The following FGD3 variants were observed in gnomAD, a reference collection of about 807,000 sequenced individuals.
FGD3 encodes FYVE, RhoGEF and PH domain containing 3, also known as FYVE, RhoGEF and PH domain-containing protein 3.
A neutral mutation model predicts 71.8 loss-of-function variants in FGD3; 45 were observed. The observed-to-expected ratio is 0.63, with a 90% CI of 0.49 to 0.80. FGD3 has a LOEUF of 0.80. Ranked by LOEUF, FGD3 falls within the 30% of genes least tolerant of loss-of-function variation. The pLI is 0.00. For missense variants in FGD3, 844 were observed against 951.5 expected (o/e 0.89, Z 1.49); for synonymous variants, 378 against 392.8 (o/e 0.96, Z 0.44).
intron 5 of FGD3, 96 bp from the exon 6 acceptor site, chr9:93,005,928 C>T: frequency 7.0e-7 from 1 of 1,422,174 alleles, no homozygotes; most frequent in Non-Finnish European, 9.4e-7. Flanking sequence ...CAGAGCTGGC[C>T]TCCACCCCAC....
intron 6 of FGD3, among the ~76,000 whole-genome samples, chr9:93,006,643 C>T (rs777842774): frequency 6.6e-6 from 1 of 152,202 alleles, no homozygotes; most frequent in Non-Finnish European, 1.5e-5. Context: ...TCTTGATTCA[C>T]AAGGCTTTTA....
chr9:93,025,438 G>A (rs1862081565), intron 14 of FGD3, among the ~76,000 whole-genome samples: 2 of 152,244 alleles, frequency 1.3e-5, no homozygotes, highest in South Asian at 2.1e-4. Flanking sequence ...TAGGGTAGGA[G>A]CTGGGACAGC....
At chr9:92,950,556 G>C (rs974636337) in intron 1 of FGD3, among the ~76,000 whole-genome samples, 1 of 152,202 alleles carries the variant, frequency 6.6e-6, no homozygotes, top group African/African-American at 2.4e-5. Flanking sequence ...GGCAGTCCTT[G>C]CTCACAGAGG....
At chr9:92,966,258 T>C (rs1859321189) in intron 1 of FGD3, among the ~76,000 whole-genome samples, 2 of 152,060 alleles carry the variant, frequency 1.3e-5, no homozygotes, top group African/African-American at 2.4e-5. Context: ...GCAGGCCCTG[T>C]GTGAAATGGG....
intron 8 of FGD3, 142 bp from the exon 9 acceptor site, chr9:93,013,710 T>C (rs565981584): frequency 1.5e-4 from 145 of 988,818 alleles, no homozygotes; most frequent in Non-Finnish European, 2.0e-4. Context: ...CAAACATCAC[T>C]CTGTTTTCCC....
intron 1 of FGD3, among the ~76,000 whole-genome samples, chr9:92,961,463 A>G (rs1041760992): frequency 2.6e-5 from 4 of 152,182 alleles, no homozygotes; most frequent in Non-Finnish European, 5.9e-5. Context: ...CATGAGTGAA[A>G]TAATTGGTCA....
At chr9:93,022,475 G>T in intron 14 of FGD3, 86 bp downstream of exon 14, 1 of 1,461,684 alleles carries the variant, frequency 6.8e-7, no homozygotes, top group Non-Finnish European at 9.4e-7. Context: ...AGATGGAGAG[G>T]GAGGGTCAGA....
At chr9:92,972,452 C>CAA (rs34573109) in intron 1 of FGD3, among the ~76,000 whole-genome samples, 16 of 63,036 alleles carry the variant, frequency 2.5e-4, no homozygotes, top group African/African-American at 4.6e-4. Flanking sequence ...GACTCCATCT[C>CAA]AAAAAAAAAA....
At chr9:92,948,165 G>A (rs1297090820) in intron 1 of FGD3, among the ~76,000 whole-genome samples, 9 of 152,090 alleles carry the variant, frequency 5.9e-5, no homozygotes, top group Non-Finnish European at 2.9e-5. Flanking sequence ...TTGAAAAAAA[G>A]AACACATATC....
intron 14 of FGD3, among the ~76,000 whole-genome samples, chr9:93,028,995 GTT>G (rs869235976): frequency 4.6e-4 from 24 of 51,744 alleles, no homozygotes; most frequent in Admixed American, 9.5e-4. Flanking sequence ...TGTCCTCACA[GTT>G]TTTTTTTTTT....
chr9:93,032,929 C>T, intron 16 of FGD3, 56 bp downstream of exon 16: 2 of 1,485,634 alleles, frequency 1.3e-6, no homozygotes, highest in Non-Finnish European at 1.9e-6. Flanking sequence ...CCTCCAGACA[C>T]CTGCTCCTGT....
intron 7 of FGD3, 137 bp downstream of exon 7, chr9:93,010,521 G>C: frequency 1.1e-6 from 1 of 877,182 alleles, no homozygotes; most frequent in Non-Finnish European, 1.6e-6. Flanking sequence ...GAGGGAAAGA[G>C]ACAGAGACAG....
chr9:92,990,591 T>A (rs1010520914), intron 3 of FGD3, among the ~76,000 whole-genome samples: 3 of 152,230 alleles, frequency 2.0e-5, no homozygotes, highest in Non-Finnish European at 4.4e-5. Context: ...TGAGGTATAT[T>A]CCTTCTATAC....
At position 93,022,901 on chromosome 9, in the gene FGD3, G is replaced by T. The variant is rs554485918; in HGVS notation, c.1557+512G>T. Among the ~76,000 whole-genome samples, 14 of 152,256 alleles carry T rather than the reference G, an allele frequency of 9.2e-5. 1 individual carries two copies. Among genetic ancestry groups the T allele is most frequent in the Admixed American group, 6.5e-4 (10 of 15,308 alleles). On this transcript the variant is annotated intron_variant, in intron 14 of 17. Coordinates refer to ENST00000375482, the MANE Select transcript of FGD3 (RefSeq NM_001083536.2). ...CTGTGTTCTCGTGTGCCTTATGGCAGCCAGCCCACAAGGGTGCTGCTCCGG... is the reference window on the plus strand; with the variant it reads ...CTGTGTTCTCGTGTGCCTTATGGCATCCAGCCCACAAGGGTGCTGCTCCGG...
chr9:93,013,780 G>A, intron 8 of FGD3, 72 bp from the exon 9 acceptor site: 1 of 1,578,204 alleles, frequency 6.3e-7, no homozygotes, highest in Non-Finnish European at 8.6e-7. Context: ...TTGCAGGGAA[G>A]GACTCCGTGC....
chr9:92,998,284 G>A (rs751473113), intron 3 of FGD3, among the ~76,000 whole-genome samples: 12 of 152,000 alleles, frequency 7.9e-5, no homozygotes, highest in East Asian at 1.9e-4. Context: ...TTGTGCATGC[G>A]TCACGTAGTT....
At chr9:92,961,959 C>T (rs1428029104) in intron 1 of FGD3, among the ~76,000 whole-genome samples, 3 of 152,172 alleles carry the variant, frequency 2.0e-5, no homozygotes, top group Non-Finnish European at 4.4e-5. Flanking sequence ...TCTGTAATGT[C>T]CTATTGTACA....
chr9:93,029,783 T>G (rs2118835176), intron 14 of FGD3, 91 bp from the exon 15 acceptor site: 2 of 1,515,172 alleles, frequency 1.3e-6, no homozygotes, highest in East Asian at 2.4e-5. Context: ...TGTGTGGCTT[T>G]TACAGTCACG....
chr9:93,033,257 G>T (rs1862428089), intron 16 of FGD3: 3 of 339,748 alleles, frequency 8.8e-6, no homozygotes, highest in Non-Finnish European at 1.7e-5. Context: ...CAGAGGGTGA[G>T]CAGGGCCCTG....
Sources: allele counts gnomAD v4.1 joint callset (sites outside exome capture counted in the v4.1 genomes callset), GRCh38; gene constraint gnomAD v4.1.1; transcripts MANE v1.5; gene names NCBI Gene and HGNC (gene_info 2026-07-23, HGNC 2026-07-21).